Variants in IGLL5 observed in about 807,000 individuals in gnomAD.
The protein encoded by IGLL5 is immunoglobulin lambda-like polypeptide 5.
In IGLL5, 30 loss-of-function variants were observed where a neutral mutation model predicts 20.9. That is an observed-to-expected ratio of 1.44 (90% CI 1.07 to 1.95). The LOEUF (loss-of-function observed/expected upper bound fraction) is 1.95, where lower values mean the gene tolerates loss of function less well. IGLL5 is among the 30% of genes most tolerant of loss of function. IGLL5 has a pLI of 0.00. For synonymous variants in IGLL5, 203 were observed against 117.3 expected, an observed-to-expected ratio of 1.73 and a Z score of -4.72; for missense variants, 475 against 270.7, an observed-to-expected ratio of 1.75 and a Z score of -5.30.
At chr22:22,888,391 T>C (rs2067590721) in intron 1 of IGLL5, 132 bp downstream of exon 1, 6 of 703,782 alleles carry the variant, frequency 8.5e-6, no homozygotes, top group Admixed American at 5.8e-5. Flanking sequence ...GACACTGGCT[T>C]TAGTAATGGG....
intron 2 of IGLL5, among the ~76,000 whole-genome samples, chr22:22,894,554 G>C (rs1415266918): frequency 6.6e-6 from 1 of 151,526 alleles, no homozygotes; most frequent in Non-Finnish European, 1.5e-5. Context: ...TCACGGATCG[G>C]CCTCCTGCCT....
intron 1 of IGLL5, 147 bp downstream of exon 1, chr22:22,888,406 T>A (rs184632175): frequency 1.7e-5 from 11 of 646,814 alleles, no homozygotes; most frequent in East Asian, 8.3e-5. Flanking sequence ...AATGGGTTGA[T>A]ATTTTGTCCA....
intron 2 of IGLL5, among the ~76,000 whole-genome samples, 172 bp downstream of exon 2, chr22:22,893,990 A>G (rs1601622502): frequency 7.9e-5 from 12 of 151,338 alleles, no homozygotes; most frequent in Middle Eastern, 3.8e-3. Flanking sequence ...ACCGGCAGGA[A>G]GGGCCTCCAC....
At chr22:22,888,999 C>T (rs926600807) in intron 1 of IGLL5, among the ~76,000 whole-genome samples, 2 of 151,282 alleles carry the variant, frequency 1.3e-5, no homozygotes, top group Admixed American at 6.6e-5. Flanking sequence ...TCCTGGGTGA[C>T]TGGGAAGGGG....
intron 1 of IGLL5, among the ~76,000 whole-genome samples, chr22:22,889,449 G>C (rs566203064): frequency 2.0e-5 from 3 of 151,284 alleles, no homozygotes; most frequent in Middle Eastern, 3.7e-3. Flanking sequence ...CTAAGGGTTG[G>C]TTGGGGGAAT....
chr22:22,894,812 G>A (rs546307594), intron 2 of IGLL5, among the ~76,000 whole-genome samples: 1 of 151,406 alleles, frequency 6.6e-6, no homozygotes, highest in Non-Finnish European at 1.5e-5. Context: ...TGTCTAGGTG[G>A]AGCCCACTCC....
intron 1 of IGLL5, among the ~76,000 whole-genome samples, chr22:22,888,559 A>T (rs142696180): frequency 1.3e-5 from 2 of 151,326 alleles, no homozygotes; most frequent in South Asian, 2.1e-4. Context: ...TAGGGAAGGA[A>T]CAGAGGCAGG....
chr22:22,892,886 G>C (rs148302121), intron 1 of IGLL5, among the ~76,000 whole-genome samples: 4 of 150,904 alleles, frequency 2.7e-5, no homozygotes, highest in African/African-American at 9.7e-5. Context: ...AGGAGGAGAG[G>C]GGGCAGTCTC....
rs984339989 is a variant in IGLL5 at position 22,895,491 on chromosome 22, G to A, written c.442G>A (p.Val148Met). The change falls in exon 3 of 3, where the codon GTG becomes ATG. Residue 148 changes from valine to methionine, a missense_variant. By Grantham distance (21) the Val-to-Met change is conservative. Coordinates refer to ENST00000526893, the MANE Select transcript of IGLL5 (RefSeq NM_001178126.2). Reference sequence around the variant, plus strand: ...TGACTTCTACCCGGGAGCTGTGACAGTGGCCTGGAAGGCAGATGGCAGCCC... The same window carrying A: ...TGACTTCTACCCGGGAGCTGTGACAATGGCCTGGAAGGCAGATGGCAGCCC... The part of the protein sequence containing the change: ...ISDFYPGAVT[V>M]AWKADGSPVK... The A allele has an allele frequency of 1.9e-6, 3 of 1,612,660 alleles. No homozygotes were observed. The highest frequency in any genetic ancestry group is 2.5e-6 in the Non-Finnish European group (3 of 1,179,604).
In IGLL5 at chr22:22,888,210, G is replaced by A. The variant is rs1328966886; in HGVS notation, c.157G>A (p.Gly53Arg). The change falls in exon 1 of 3, where the codon GGA becomes AGA. Residue 53 changes from glycine (G) to arginine (R), a missense_variant. Transcript: ENST00000526893. ...ACCGCAAAGCGGGGACCCAGACCCTGGAGCCTCAGTTGGAAGCAGCCGATC... is the reference window on the plus strand; with the variant it reads ...ACCGCAAAGCGGGGACCCAGACCCTAGAGCCTCAGTTGGAAGCAGCCGATC... ...VAPQSGDPDP[G>R]ASVGSSRSSL... The A allele has an allele frequency of 2.6e-6, 4 of 1,548,566 alleles. No homozygotes were observed. The highest frequency in any genetic ancestry group is 2.5e-5 in the East Asian group (1 of 40,600).
Position 22,893,808 on chromosome 22 carries a change from C to G in IGLL5, c.315C>G (p.Val105=), listed in dbSNP as rs1332600459. ...LCYVFGTGTK[V]TVLGQPKANP... Reference sequence around the variant, plus strand: ...ATGTCTTCGGAACTGGGACCAAGGTCACCGTCCTAGGTAAGTGGCTCTCAA... The same window carrying G: ...ATGTCTTCGGAACTGGGACCAAGGTGACCGTCCTAGGTAAGTGGCTCTCAA... Residue 105 remains valine (V), a synonymous_variant, in exon 2 of 3, where the codon GTC becomes GTG. Transcript: ENST00000526893. The G allele has an allele frequency of 6.2e-7, 1 of 1,608,722 alleles. No individual in the cohort carries two copies. The highest frequency in any genetic ancestry group is 8.5e-7 in the Non-Finnish European group (1 of 1,175,814).
intron 2 of IGLL5, among the ~76,000 whole-genome samples, chr22:22,894,930 G>C (rs559077389): frequency 6.6e-6 from 1 of 151,476 alleles, no homozygotes; most frequent in African/African-American, 2.4e-5. Flanking sequence ...CTGCCTGCCA[G>C]GACAGTCCTA....
chr22:22,894,447 C>T (rs575920823), intron 2 of IGLL5, among the ~76,000 whole-genome samples: 5 of 151,488 alleles, frequency 3.3e-5, no homozygotes, highest in Middle Eastern at 7.5e-3. Flanking sequence ...AGAATCCAAC[C>T]CTCCCAGGAC....
rs1569079670 is a variant in IGLL5, at chr22:22,888,431, G to C, written c.206+172G>C. ...TATTTTGTCCATCACAGATTTGTTTGAATTACTGTTTTTAATATCATATTA... is the reference window on the plus strand; with the variant it reads ...TATTTTGTCCATCACAGATTTGTTTCAATTACTGTTTTTAATATCATATTA... On this transcript the variant is annotated intron_variant, in intron 1 of 2. Coordinates refer to ENST00000526893, the MANE Select transcript of IGLL5 (RefSeq NM_001178126.2). Among the ~76,000 whole-genome samples, 8 of 151,420 alleles carry C rather than the reference G, an allele frequency of 5.3e-5. No homozygotes were observed. The East Asian group carries it at 6.1e-4, about 11-fold the overall frequency.
intron 2 of IGLL5, among the ~76,000 whole-genome samples, chr22:22,894,601 A>AGGGGAGT: frequency 6.6e-6 from 1 of 151,128 alleles, no homozygotes; most frequent in East Asian, 2.0e-4. Context: ...AAATGACCAG[A>AGGGGAGT]GGGGAGTGAA....
intron 1 of IGLL5, among the ~76,000 whole-genome samples, chr22:22,889,821 T>C (rs2067756003): frequency 6.6e-6 from 1 of 151,370 alleles, no homozygotes; most frequent in Admixed American, 6.6e-5. Context: ...TGTCTCAAAT[T>C]CCTAAGCTCA....
At chr22:22,889,298 A>T in intron 1 of IGLL5, among the ~76,000 whole-genome samples, 1 of 150,972 alleles carries the variant, frequency 6.6e-6, no homozygotes, top group African/African-American at 2.4e-5. Flanking sequence ...AGTTGAAGTG[A>T]GGGCTGAGCA....
At chr22:22,893,984 G>GGC in intron 2 of IGLL5, among the ~76,000 whole-genome samples, 166 bp downstream of exon 2, 1 of 151,418 alleles carries the variant, frequency 6.6e-6, no homozygotes, top group East Asian at 2.0e-4. Context: ...CGGGTAACCG[G>GGC]CAGGAAGGGC....
intron 2 of IGLL5, among the ~76,000 whole-genome samples, chr22:22,894,041 CTGG>C: frequency 6.6e-6 from 1 of 150,426 alleles, no homozygotes; most frequent in South Asian, 2.2e-4. Context: ...GGGGCCTGAG[CTGG>C]GATTGGGCAG....
Sources: allele counts gnomAD v4.1 joint callset (sites outside exome capture counted in the v4.1 genomes callset), GRCh38; gene constraint gnomAD v4.1.1; transcripts MANE v1.5; gene names NCBI Gene and HGNC (gene_info 2026-07-23, HGNC 2026-07-21).